Variants in FNIP2 observed in about 807,000 individuals in gnomAD.
The protein encoded by FNIP2 is folliculin interacting protein 2, also known as folliculin-interacting protein 2.
In FNIP2, 32 loss-of-function variants were observed where a neutral mutation model predicts 108.7. That is an observed-to-expected ratio of 0.29 (90% CI 0.22 to 0.40). The LOEUF is 0.40. Among genes scored for constraint, FNIP2 ranks in the 10% least tolerant of loss-of-function variants. The pLI, the probability that FNIP2 is intolerant of heterozygous loss-of-function variation, is 1.00. For missense variants in FNIP2, 1,202 were observed against 1,381.6 expected, an observed-to-expected ratio of 0.87 and a Z score of 2.06; for synonymous variants, 480 against 496.7, an observed-to-expected ratio of 0.97 and a Z score of 0.45.
At chr4:158,878,368 G>C (rs1781398390) in intron 14 of FNIP2, among the ~76,000 whole-genome samples, 1 of 152,106 alleles carries the variant, frequency 6.6e-6, no homozygotes, top group South Asian at 2.1e-4. Flanking sequence ...GAAATCACCA[G>C]ACATAAGCAG....
chr4:158,864,607 T>C (rs1780477636), intron 12 of FNIP2, among the ~76,000 whole-genome samples: 2 of 152,192 alleles, frequency 1.3e-5, no homozygotes, highest in Non-Finnish European at 2.9e-5. Flanking sequence ...CCTACCTCTC[T>C]AACCCCCTTT....
chr4:158,780,807 C>T (rs1776016891), intron 1 of FNIP2, among the ~76,000 whole-genome samples: 1 of 152,054 alleles, frequency 6.6e-6, no homozygotes, highest in African/African-American at 2.4e-5. Context: ...CTGAGGCAGG[C>T]AGATCATTTG....
At chr4:158,903,134 T>C (rs1355961826) in intron 16 of FNIP2, among the ~76,000 whole-genome samples, 1 of 152,224 alleles carries the variant, frequency 6.6e-6, no homozygotes, top group Non-Finnish European at 1.5e-5. Context: ...AAAGGGAATC[T>C]CCTGGTCTGT....
intron 14 of FNIP2, among the ~76,000 whole-genome samples, chr4:158,882,194 GCC>G (rs1560829121): frequency 2.7e-5 from 4 of 149,584 alleles, no homozygotes; most frequent in Non-Finnish European, 3.0e-5. Context: ...CCCAGCAGCC[GCC>G]CCGTCTGAGA....
At chr4:158,810,641 T>C (rs750869900) in intron 1 of FNIP2, among the ~76,000 whole-genome samples, 25 of 152,164 alleles carry the variant, frequency 1.6e-4, no homozygotes, top group Non-Finnish European at 2.2e-4. Flanking sequence ...AATCTTAATA[T>C]AGGAGATTTT....
At chr4:158,829,392 G>A (rs554979225) in intron 3 of FNIP2, among the ~76,000 whole-genome samples, 167 bp downstream of exon 3, 1 of 152,086 alleles carries the variant, frequency 6.6e-6, no homozygotes, top group Admixed American at 6.6e-5. Flanking sequence ...TTGCTCTTTG[G>A]CTTTTATCTC....
chr4:158,825,344 C>T (rs1311897927), intron 1 of FNIP2, among the ~76,000 whole-genome samples: 1 of 152,182 alleles, frequency 6.6e-6, no homozygotes, highest in African/African-American at 2.4e-5. Flanking sequence ...GCTAGCAATT[C>T]CAGTGCTCTA....
In FNIP2 at chr4:158,827,303, T is replaced by G. The variant is rs78156204; in HGVS notation, c.234+1261T>G. ...TTCCCATTTCTCTGAAGGCCTCACA[T>G]GGATGGTCTAGTTGAGCAGCTATCA... On this transcript the variant is annotated intron_variant, in intron 2 of 16. Coordinates refer to ENST00000264433, the MANE Select transcript of FNIP2 (RefSeq NM_020840.3). Among the ~76,000 whole-genome samples, 422 of 152,308 alleles carry G rather than the reference T, an allele frequency of 2.8e-3. 3 individuals are homozygous for G. Among genetic ancestry groups the G allele is most frequent in the African/African-American group, 9.6e-3 (401 of 41,568 alleles).
At chr4:158,869,633 C>G (rs1780816466) in intron 13 of FNIP2, among the ~76,000 whole-genome samples, 1 of 152,256 alleles carries the variant, frequency 6.6e-6, no homozygotes, top group South Asian at 2.1e-4. Flanking sequence ...CTTAGCACCA[C>G]TGAGCTCACT....
chr4:158,831,212 T>C (rs986441569), intron 3 of FNIP2, among the ~76,000 whole-genome samples: 10 of 152,122 alleles, frequency 6.6e-5, no homozygotes, highest in Admixed American at 5.2e-4. Context: ...TTGAACTAGT[T>C]TGAGCTAAGA....
At chr4:158,834,545 T>C (rs1470374902) in intron 6 of FNIP2, 1 of 152,160 alleles carries the variant, frequency 6.6e-6, no homozygotes, top group Non-Finnish European at 1.5e-5. Context: ...CCTGATAAAA[T>C]TGACACGCTC....
intron 7 of FNIP2, among the ~76,000 whole-genome samples, chr4:158,842,946 A>G (rs1052814255): frequency 2.6e-5 from 4 of 152,144 alleles, no homozygotes; most frequent in Non-Finnish European, 4.4e-5. Flanking sequence ...TTTATTTTAA[A>G]TGAAATTTTC....
At chr4:158,834,579 T>C (rs1160355324) in intron 6 of FNIP2, 3 of 152,106 alleles carry the variant, frequency 2.0e-5, no homozygotes, top group East Asian at 1.9e-4. Context: ...GTGAGGAAAA[T>C]GCATTTAAAT....
At chr4:158,787,816 G>A (rs567916763) in intron 1 of FNIP2, among the ~76,000 whole-genome samples, 7 of 152,262 alleles carry the variant, frequency 4.6e-5, no homozygotes, top group African/African-American at 1.7e-4. Flanking sequence ...TCTTTCGTGT[G>A]GCGGCCCTGC....
At chr4:158,774,287 T>G (rs1775790388) in intron 1 of FNIP2, among the ~76,000 whole-genome samples, 2 of 152,228 alleles carry the variant, frequency 1.3e-5, no homozygotes, top group Admixed American at 1.3e-4. Flanking sequence ...ATTTTAATTT[T>G]TTGTGTTTTA....
chr4:158,801,698 A>C (rs1007000327), intron 1 of FNIP2, among the ~76,000 whole-genome samples: 2 of 152,226 alleles, frequency 1.3e-5, no homozygotes, highest in African/African-American at 4.8e-5. Flanking sequence ...CACTCAGTGG[A>C]TCTAACTACC....
intron 1 of FNIP2, among the ~76,000 whole-genome samples, chr4:158,799,667 A>G (rs768281280): frequency 5.3e-5 from 8 of 152,238 alleles, no homozygotes; most frequent in Non-Finnish European, 1.0e-4. Context: ...TGCTAGGGAC[A>G]ACCTGGCTCA....
intron 7 of FNIP2, 105 bp from the exon 8 acceptor site, chr4:158,851,215 TA>T: frequency 1.5e-6 from 2 of 1,311,236 alleles, no homozygotes; most frequent in Non-Finnish European, 2.1e-6. Context: ...AAATACATAA[TA>T]AATGTAGAGT....
intron 1 of FNIP2, among the ~76,000 whole-genome samples, chr4:158,795,000 A>C (rs1776540809): frequency 6.6e-6 from 1 of 152,212 alleles, no homozygotes. Flanking sequence ...TTCCTTGGAA[A>C]TTCCTCTATC....
Sources: gnomAD v4.1 joint callset for allele counts (sites outside exome capture counted in the v4.1 genomes callset) on GRCh38, gnomAD v4.1.1 for gene constraint, MANE v1.5 for transcripts, NCBI Gene and HGNC (gene_info 2026-07-23, HGNC 2026-07-21) for gene names.